RRBP1: variants seen among roughly 807,000 people sequenced by gnomAD.
RRBP1 encodes the protein ribosome binding protein 1, also known as ribosome-binding protein 1.
RRBP1 carries 94 observed loss-of-function variants against 165.2 expected under a neutral mutation model. That is an observed-to-expected ratio of 0.57 (90% CI 0.48 to 0.68). The LOEUF (loss-of-function observed/expected upper bound fraction) is 0.68, where lower values mean the gene tolerates loss of function less well. Ranked by LOEUF, RRBP1 falls within the 30% of genes least tolerant of loss-of-function variation. RRBP1 has a pLI of 0.00. For synonymous variants in RRBP1, 680 were observed against 714.5 expected (o/e 0.95, Z 0.77); for missense variants, 1,676 against 1,763.0 (o/e 0.95, Z 0.88).
chr20:17,629,932 C>A lies in RRBP1; in HGVS notation c.2640G>T (p.Leu880=). 1 of 1,599,554 alleles carries A rather than the reference C, an allele frequency of 6.3e-7. No homozygotes were observed. Among genetic ancestry groups the A allele is most frequent in the Non-Finnish European group, 8.5e-7 (1 of 1,179,086 alleles). ...GGCTGACCTCGTCCAGGCGCTTCTGCAGGGCCTCCTCACTCTCCCTGTGGG... is the reference window on the plus strand; with the variant it reads ...GGCTGACCTCGTCCAGGCGCTTCTGAAGGGCCTCCTCACTCTCCCTGTGGG... ...QASHRESEEA[L]QKRLDEVSRE... is the part of the protein sequence containing the mutation. Residue 880 remains leucine, a synonymous_variant, in exon 9 of 25, where the codon CTG becomes CTT. Coordinates refer to ENST00000377813, the MANE Select transcript of RRBP1 (RefSeq NM_001365613.2).
chr20:17,666,253 T>C (rs770260946), intron 2 of RRBP1, among the ~76,000 whole-genome samples: 15 of 151,984 alleles, frequency 9.9e-5, no homozygotes, highest in Non-Finnish European at 1.9e-4. Flanking sequence ...GTGTCTGTAG[T>C]CCAAGCTACT....
intron 17 of RRBP1, 103 bp from the exon 18 acceptor site, chr20:17,620,473 C>T (rs781243143): frequency 9.4e-7 from 1 of 1,068,868 alleles, no homozygotes; most frequent in East Asian, 2.4e-5. Flanking sequence ...TTAGGAAGCC[C>T]CGGGGGTGCC....
chr20:17,622,060 G>A (rs974818123), intron 13 of RRBP1, 113 bp from the exon 14 acceptor site: 5 of 763,150 alleles, frequency 6.6e-6, no homozygotes, highest in Non-Finnish European at 1.1e-5. Flanking sequence ...CACATCCTCA[G>A]CTCTTCAGGG....
At chr20:17,681,684 G>A (rs2037191880) in intron 1 of RRBP1, among the ~76,000 whole-genome samples, 1 of 149,942 alleles carries the variant, frequency 6.7e-6, no homozygotes, top group South Asian at 2.1e-4. Context: ...ACTTCGGAGC[G>A]CGCTGGCCGG....
At chr20:17,615,301 G>C (rs957053205) in intron 23 of RRBP1, 130 bp downstream of exon 23, 5 of 685,958 alleles carry the variant, frequency 7.3e-6, no homozygotes, top group Non-Finnish European at 1.2e-5. Flanking sequence ...TAGTGACAAG[G>C]GGAACCAGTG....
rs1428964562 is a variant in RRBP1 at position 17,627,356 on chromosome 20, C to T, written c.2955G>A (p.Gln985=). 2 of 1,613,532 alleles carry T rather than the reference C, an allele frequency of 1.2e-6. No homozygotes were observed. Among genetic ancestry groups the T allele is most frequent in the African/African-American group, 1.3e-5 (1 of 74,934 alleles). The change falls in exon 11 of 25, where the codon CAG becomes CAA. Residue 985 remains glutamine (Q), a synonymous_variant. Coordinates refer to ENST00000377813, the MANE Select transcript of RRBP1 (RefSeq NM_001365613.2). The part of the protein sequence containing the change: ...VQASQAEADQ[Q]QTRLKELESQ... ...CTGCTTCCCCAGCTTACCGAGTCTG[C>T]TGCTGGTCAGCCTCCGCCTGGCTGG...
chr20:17,650,925 A>T (rs1055814065), intron 3 of RRBP1, among the ~76,000 whole-genome samples: 1 of 152,188 alleles, frequency 6.6e-6, no homozygotes, highest in Non-Finnish European at 1.5e-5. Flanking sequence ...CTGCATACAC[A>T]CACGTCTTGT....
At chr20:17,647,260 C>T (rs550861252) in intron 3 of RRBP1, among the ~76,000 whole-genome samples, 4 of 152,366 alleles carry the variant, frequency 2.6e-5, no homozygotes, top group African/African-American at 7.2e-5. Flanking sequence ...GACACAGGGC[C>T]ATAAGGCAGA....
chr20:17,634,957 G>C (rs975269122), intron 7 of RRBP1, among the ~76,000 whole-genome samples: 1 of 152,240 alleles, frequency 6.6e-6, no homozygotes, highest in Non-Finnish European at 1.5e-5. Context: ...AGCGTGCTCT[G>C]CTGTGGTCAG....
At chr20:17,616,686 C>T (rs911347) in intron 21 of RRBP1, 46 bp downstream of exon 21, 1,027,870 of 1,361,916 alleles carry the variant, frequency 0.75, 393,904 homozygotes, top group Non-Finnish European at 0.79. Flanking sequence ...GGCCTGCACT[C>T]TTCTGGGATT....
chr20:17,616,888 CA>C, intron 20 of RRBP1, 49 bp from the exon 21 acceptor site: 1 of 1,372,092 alleles, frequency 7.3e-7, no homozygotes, highest in South Asian at 1.2e-5. Flanking sequence ...GTCGCACACC[CA>C]CCATGCTCAC....
At chr20:17,619,578 G>A in intron 19 of RRBP1, 55 bp downstream of exon 19, 6 of 1,321,852 alleles carry the variant, frequency 4.5e-6, no homozygotes, top group Non-Finnish European at 6.4e-6. Context: ...AAGCAGCTCA[G>A]GGAGGACCGC....
Position 17,658,877 on chromosome 20 carries a change from G to A in RRBP1, c.1631C>T (p.Pro544Leu). ...CGAATCTGCCTTTTTGCCCTGGATG[G>A]GAGCTCCCTCTCCTTTTTTGCCTTG... ...PNQGKKGEGA[P>L]IQGKKADSVA... Residue 544 changes from proline to leucine, a missense_variant, in exon 3 of 25, where the codon CCC becomes CTC. Physicochemically the swap from Pro to Leu is moderately conservative, Grantham distance 98. This residue lies in a region of RRBP1 where 1,184 missense variants were observed against 1,167.1 expected (regional missense o/e 1.01). Coordinates refer to ENST00000377813, the MANE Select transcript of RRBP1 (RefSeq NM_001365613.2). 6.2e-7 allele frequency: 1 copy of A among 1,613,506 alleles called. No individual in the cohort carries two copies. The highest frequency in any genetic ancestry group is 8.5e-7 in the Non-Finnish European group (1 of 1,179,876).
rs773532763 is a variant in RRBP1 at position 17,624,685 on chromosome 20, T to C, written c.3055-17A>G. 11 of 1,548,324 alleles carry C rather than the reference T, an allele frequency of 7.1e-6. No individual in the cohort carries two copies. Among genetic ancestry groups the C allele is most frequent in the Non-Finnish European group, 9.6e-6 (11 of 1,141,108 alleles). On this transcript the variant is annotated splice_polypyrimidine_tract_variant and intron_variant, in intron 12 of 24. Coordinates refer to ENST00000377813, the MANE Select transcript of RRBP1 (RefSeq NM_001365613.2). ...CCGGAGGTCCTGGAGGGGACACAGG[T>C]GAAAGGTCAGCAGCCTGCACTGGCA...
chr20:17,658,542 A>G (rs1267060445), intron 3 of RRBP1, 54 bp downstream of exon 3: 2 of 1,446,858 alleles, frequency 1.4e-6, no homozygotes, highest in Non-Finnish European at 1.9e-6. Flanking sequence ...AGAATCCATA[A>G]GTCATTTAAA....
At chr20:17,653,205 C>T (rs1455941182) in intron 3 of RRBP1, among the ~76,000 whole-genome samples, 1 of 152,184 alleles carries the variant, frequency 6.6e-6, no homozygotes, top group Non-Finnish European at 1.5e-5. Context: ...CGGGCTCTCC[C>T]CTGTGTTCGT....
intron 3 of RRBP1, among the ~76,000 whole-genome samples, chr20:17,651,650 C>T (rs946592658): frequency 6.6e-5 from 10 of 152,176 alleles, no homozygotes; most frequent in Admixed American, 3.9e-4. Context: ...TTTACCCCCC[C>T]GCCCCTCCAC....
At chr20:17,615,747 A>G (rs892874986) in intron 22 of RRBP1, among the ~76,000 whole-genome samples, 179 bp downstream of exon 22, 1 of 152,154 alleles carries the variant, frequency 6.6e-6, no homozygotes, top group Non-Finnish European at 1.5e-5. Flanking sequence ...CAGGGCTCCC[A>G]AGGTGCCTCC....
intron 13 of RRBP1, 58 bp from the exon 14 acceptor site, chr20:17,622,005 C>T (rs1347405552): frequency 7.5e-7 from 1 of 1,330,306 alleles, no homozygotes; most frequent in African/African-American, 1.4e-5. Context: ...TGGGGCACCT[C>T]CCCAGGTCTT....
Sources: allele counts gnomAD v4.1 joint callset (sites outside exome capture counted in the v4.1 genomes callset), GRCh38; gene constraint gnomAD v4.1.1; regional missense constraint gnomAD v4.1.1; transcripts MANE v1.5; gene names NCBI Gene and HGNC (gene_info 2026-07-23, HGNC 2026-07-21).